Variants in CRYBG1 observed in about 807,000 individuals in gnomAD.
CRYBG1 encodes the protein crystallin beta-gamma domain containing 1, also known as beta/gamma crystallin domain-containing protein 1.
CRYBG1 carries 139 observed loss-of-function variants against 189.2 expected under a neutral mutation model. The ratio of observed to expected loss-of-function variants is 0.73; its 90% confidence interval spans 0.64 to 0.85. CRYBG1 has a LOEUF of 0.85. Ranked by LOEUF, CRYBG1 falls within the 40% of genes least tolerant of loss-of-function variation. The probability of loss-of-function intolerance (pLI) is 0.00; values close to 1 mark genes in which losing one functional copy is unlikely to be tolerated. For synonymous variants in CRYBG1, 1,023 were observed against 1,017.1 expected (o/e 1.01, Z -0.11); for missense variants, 2,611 against 2,675.8 (o/e 0.98, Z 0.53).
intron 1 of CRYBG1, among the ~76,000 whole-genome samples, chr6:106,448,816 A>C (rs1402166236): frequency 6.6e-6 from 1 of 152,108 alleles, no homozygotes; most frequent in Non-Finnish European, 1.5e-5. Context: ...CTCAGCCTCA[A>C]AGGGTTGGGT....
intron 8 of CRYBG1, among the ~76,000 whole-genome samples, chr6:106,532,039 C>T (rs926160044): frequency 6.6e-5 from 10 of 152,108 alleles, no homozygotes; most frequent in African/African-American, 2.4e-4. Context: ...TTTTAATTGA[C>T]ACATAATAAT....
Position 106,563,814 on chromosome 6 carries a change from C to T in CRYBG1, c.6189C>T (p.Gly2063=), listed in dbSNP as rs1774794822. The T allele has an allele frequency of 1.2e-6, 2 of 1,612,874 alleles. No individual in the cohort carries two copies. The highest frequency in any genetic ancestry group is 4.5e-5 in the East Asian group (2 of 44,856). ...LTIVGSLVTS[G]SKLGLALDQN... is the part of the protein sequence containing the mutation. Reference sequence around the variant, plus strand: ...TTGTGGGCAGCCTGGTAACATCTGGCTCCAAGCTAGGCCTGGCCCTGGACC... The same window carrying T: ...TTGTGGGCAGCCTGGTAACATCTGGTTCCAAGCTAGGCCTGGCCCTGGACC... Residue 2063 remains glycine, a synonymous_variant, in exon 21 of 22, where the codon GGC becomes GGT. Coordinates refer to ENST00000633556, the MANE Select transcript of CRYBG1 (RefSeq NM_001371242.2).
At position 106,519,453 on chromosome 6, in the gene CRYBG1, A is replaced by G. The variant is rs372785592; in HGVS notation, c.2245A>G (p.Ile749Val). The G allele has an allele frequency of 1.4e-5, 22 of 1,614,030 alleles. No individual in the cohort carries two copies. In the African/African-American group the frequency reaches 1.9e-4, roughly 14 times the overall value. Residue 749 changes from isoleucine (I) to valine (V), a missense_variant, in exon 4 of 22, where the codon ATA becomes GTA. Coordinates refer to ENST00000633556, the MANE Select transcript of CRYBG1 (RefSeq NM_001371242.2). ...QNGVLVKETA[I>V]ETKVTVSEEE... ...TGGTGTGCTGGTTAAGGAAACTGCT[A>G]TAGAAACCAAAGTTACCGTCTCGGA...
At chr6:106,427,929 T>C (rs1252441826) in intron 1 of CRYBG1, among the ~76,000 whole-genome samples, 3 of 152,214 alleles carry the variant, frequency 2.0e-5, no homozygotes, top group African/African-American at 4.8e-5. Context: ...TTGTGCTTGC[T>C]GTTCCCTCTG....
chr6:106,537,265 C>T (rs1290291410), intron 8 of CRYBG1, among the ~76,000 whole-genome samples: 4 of 152,164 alleles, frequency 2.6e-5, no homozygotes, highest in Non-Finnish European at 4.4e-5. Flanking sequence ...AATCTCAGAT[C>T]GCTTGCTCGT....
At position 106,360,900 on chromosome 6, in the gene CRYBG1, G is replaced by C; in HGVS notation, c.-9G>C. The C allele has an allele frequency of 6.5e-7, 1 of 1,531,324 alleles. No homozygotes were observed. 94.9% of individuals were successfully genotyped at this position (1,531,324 alleles called of 1,614,324 possible). A position where few individuals can be genotyped will look rare whatever the true frequency, so the allele number is the denominator to read the frequency against. On this transcript the variant is annotated 5_prime_UTR_variant, in exon 1 of 22. Coordinates refer to ENST00000633556, the MANE Select transcript of CRYBG1 (RefSeq NM_001371242.2). ...GTCCCGGCAGTCGGAGCGGGAGGAG[G>C]ACAAGACGATGCCGCTGTCCCCGCC...
chr6:106,563,789 T>C lies in CRYBG1; in HGVS notation c.6164T>C (p.Ile2055Thr), dbSNP rs771631708. 32 of 1,608,974 alleles carry C rather than the reference T, an allele frequency of 2.0e-5. No individual in the cohort carries two copies. The highest frequency in any genetic ancestry group is 1.7e-4 in the Admixed American group (10 of 59,924). Residue 2055 changes from isoleucine (I) to threonine (T), a missense_variant, in exon 21 of 22, where the codon ATT becomes ACT. Around this residue, in one of 3 missense-constraint regions of CRYBG1, gnomAD observed 1,622 missense variants for 1,735.0 expected, o/e 0.93. Coordinates refer to ENST00000633556, the MANE Select transcript of CRYBG1 (RefSeq NM_001371242.2). ...CRIAEDCCLT[I>T]VGSLVTSGSK... ...ATAGCAGAAGACTGCTGCCTGACGATTGTGGGCAGCCTGGTAACATCTGGC... is the reference window on the plus strand; with the variant it reads ...ATAGCAGAAGACTGCTGCCTGACGACTGTGGGCAGCCTGGTAACATCTGGC...
At chr6:106,441,885 AT>A (rs1324247695) in intron 1 of CRYBG1, among the ~76,000 whole-genome samples, 4 of 152,242 alleles carry the variant, frequency 2.6e-5, no homozygotes, top group Non-Finnish European at 4.4e-5. Flanking sequence ...AAACTAAAAA[AT>A]ATAAGGAAAT....
rs183146751 is a variant in CRYBG1 at position 106,542,671 on chromosome 6, G to A, written c.4882-769G>A. On this transcript the variant is annotated intron_variant, in intron 10 of 21. Transcript: ENST00000633556. ...TTTATTTTATTTTATTTTATTTTGA[G>A]ACAAGAGTTTCACTCTGTCACCCAG... Among the ~76,000 whole-genome samples the A allele has an allele frequency of 1.7e-3, 228 of 137,712 alleles. 1 individual carries two copies. Among genetic ancestry groups the A allele is most frequent in the Non-Finnish European group, 7.2e-4 (47 of 65,404 alleles). 90.3% of individuals were successfully genotyped at this position (137,712 alleles called of 152,430 possible). A position where few individuals can be genotyped will look rare whatever the true frequency, so the allele number is the denominator to read the frequency against.
chr6:106,503,823 G>T (rs1773064178), intron 2 of CRYBG1, among the ~76,000 whole-genome samples: 1 of 152,036 alleles, frequency 6.6e-6, no homozygotes, highest in South Asian at 2.1e-4. Context: ...CTTTTTAAAA[G>T]AAGCTTTTTG....
chr6:106,541,686 A>T (rs775159112), intron 10 of CRYBG1, 65 bp downstream of exon 10: 1 of 1,082,554 alleles, frequency 9.2e-7, no homozygotes, highest in Admixed American at 2.1e-5. Context: ...ACACATATAT[A>T]TGTACTTAAT....
At chr6:106,492,697 T>C (rs1772752633) in intron 2 of CRYBG1, among the ~76,000 whole-genome samples, 2 of 148,716 alleles carry the variant, frequency 1.3e-5, no homozygotes, top group African/African-American at 2.6e-5. Context: ...ACTTATCATA[T>C]ACATACCTCT....
At chr6:106,366,966 T>A (rs1772012402) in intron 1 of CRYBG1, among the ~76,000 whole-genome samples, 1 of 152,228 alleles carries the variant, frequency 6.6e-6, no homozygotes, top group African/African-American at 2.4e-5. Context: ...TATTTGGATG[T>A]TCATGTTGGT....
chr6:106,511,455 A>G lies in CRYBG1; in HGVS notation c.338A>G (p.Asn113Ser). 6.5e-7 allele frequency: 1 copy of G among 1,535,842 alleles called. No homozygotes were observed. The highest frequency in any genetic ancestry group is 8.7e-7 in the Non-Finnish European group (1 of 1,146,696). ...KKSRAQPPED[N>S]RRKPVLGKLG... ...TCCAGAGCACAACCTCCAGAAGACA[A>G]CAGAAGGAAGCCAGTTTTGGGGAAA... is the stretch of plus-strand genomic sequence containing the variant. The change falls in exon 3 of 22, where the codon AAC (asparagine) becomes AGC (serine). Residue 113 changes from asparagine (N) to serine (S), a missense_variant. Transcript: ENST00000633556.
intron 20 of CRYBG1, among the ~76,000 whole-genome samples, chr6:106,562,922 G>A (rs1774767501): frequency 1.3e-5 from 2 of 152,200 alleles, no homozygotes; most frequent in African/African-American, 4.8e-5. Context: ...GACCTCCTGG[G>A]CTCAAGGGAT....
At chr6:106,458,709 A>C (rs1445871452) in intron 2 of CRYBG1, among the ~76,000 whole-genome samples, 2 of 152,170 alleles carry the variant, frequency 1.3e-5, no homozygotes, top group Admixed American at 6.5e-5. Context: ...ATCTCACCAA[A>C]TACAAACACA....
chr6:106,518,975 G>GCACA (rs377748036), intron 3 of CRYBG1, among the ~76,000 whole-genome samples, 156 bp from the exon 4 acceptor site: 3,638 of 134,294 alleles, frequency 0.027, 73 homozygotes, highest in South Asian at 0.06. Context: ...ACATGTGTGC[G>GCACA]CACACACACA....
chr6:106,398,009 C>T (rs1770646105), intron 1 of CRYBG1, among the ~76,000 whole-genome samples: 1 of 151,976 alleles, frequency 6.6e-6, no homozygotes, highest in Admixed American at 6.6e-5. Flanking sequence ...TCAATAAGTA[C>T]CAAAATACAT....
intron 1 of CRYBG1, among the ~76,000 whole-genome samples, chr6:106,377,936 C>T (rs1405898534): frequency 6.6e-6 from 1 of 152,118 alleles, no homozygotes; most frequent in African/African-American, 2.4e-5. Flanking sequence ...TTCTCAGTTA[C>T]AAATTAGGTG....
Sources: gnomAD v4.1 joint callset for allele counts (sites outside exome capture counted in the v4.1 genomes callset) on GRCh38, gnomAD v4.1.1 for gene constraint, gnomAD v4.1.1 regional missense constraint, MANE v1.5 for transcripts, NCBI Gene and HGNC (gene_info 2026-07-23, HGNC 2026-07-21) for gene names.